Variants in CYS1 observed in about 807,000 individuals in gnomAD.
CYS1 encodes the protein cystin 1.
CYS1 carries 5 observed loss-of-function variants against 9.6 expected under a neutral mutation model. The observed-to-expected ratio is 0.52, with a 90% CI of 0.27 to 1.10. The LOEUF (loss-of-function observed/expected upper bound fraction) is 1.10, where lower values mean the gene tolerates loss of function less well. Ranked by LOEUF, CYS1 falls within the 50% of genes least tolerant of loss-of-function variation. The pLI is 0.11. For synonymous variants in CYS1, 88 were observed against 95.7 expected, an observed-to-expected ratio of 0.92 and a Z score of 0.47; for missense variants, 221 against 207.9, an observed-to-expected ratio of 1.06 and a Z score of -0.39.
At position 10,065,965 on chromosome 2, in the gene CYS1, A is replaced by G. The variant is rs1422749726; in HGVS notation, c.319-9T>C. On this transcript the variant is annotated splice_polypyrimidine_tract_variant and intron_variant, in intron 1 of 2. Transcript: ENST00000381813. ...CTCTGCTCTGCGCACACCTTGAGAA[A>G]GATGAAATGAAGAGACATTCAAAGA... 2 of 1,614,080 alleles carry G rather than the reference A, an allele frequency of 1.2e-6. No individual in the cohort carries two copies. The highest frequency in any genetic ancestry group is 1.3e-5 in the African/African-American group (1 of 74,930).
intron 1 of CYS1, among the ~76,000 whole-genome samples, chr2:10,067,406 CTTTT>C (rs34525296): frequency 1.1e-4 from 13 of 118,106 alleles, no homozygotes; most frequent in Non-Finnish European, 1.5e-4. Flanking sequence ...AAATTCTTTT[CTTTT>C]TTTTTTTTTT....
intron 1 of CYS1, among the ~76,000 whole-genome samples, chr2:10,072,561 A>AT (rs1279321596): frequency 6.6e-6 from 1 of 152,220 alleles, no homozygotes; most frequent in Non-Finnish European, 1.5e-5. Flanking sequence ...CATTCCTTTT[A>AT]TTCCATAGTA....
chr2:10,065,300 A>T (rs1466878367), intron 2 of CYS1, among the ~76,000 whole-genome samples: 1 of 152,212 alleles, frequency 6.6e-6, no homozygotes, highest in African/African-American at 2.4e-5. Flanking sequence ...ATCTTACCTG[A>T]CAATCACCCA....
intron 1 of CYS1, among the ~76,000 whole-genome samples, chr2:10,072,865 G>C (rs1003632277): frequency 2.0e-5 from 3 of 152,166 alleles, no homozygotes; most frequent in African/African-American, 7.2e-5. Flanking sequence ...GAGGAGCGGT[G>C]GGGGAGCGGT....
At chr2:10,074,140 C>T (rs921531490) in intron 1 of CYS1, among the ~76,000 whole-genome samples, 1 of 152,198 alleles carries the variant, frequency 6.6e-6, no homozygotes, top group Non-Finnish European at 1.5e-5. Flanking sequence ...TCTGGTATGG[C>T]ATCAGCCACT....
At position 10,080,081 on chromosome 2, in the gene CYS1, GC is replaced by G; in HGVS notation, c.142del (p.Ala48GlnfsTer101). On this transcript the variant is annotated frameshift_variant, in exon 1 of 3. Coordinates refer to ENST00000381813, the MANE Select transcript of CYS1 (RefSeq NM_001037160.3). LOFTEE classifies it high-confidence loss of function. This position sits in a 1 kb window ranked among gnomAD's most constrained non-coding sequence, Gnocchi z 6.4. Reference protein sequence around the residue: ...VPVAAAEVPGAAAEEAPGRDP... With the variant: ...VPVAAAEVPGXAAEEAPGRDP... Reference sequence around the variant, plus strand: ...GCGGCCGGGCGCCTCCTCCGCGGCTGCCCCCGGGACCTCGGCCGCCGCCACC... The same window carrying G: ...GCGGCCGGGCGCCTCCTCCGCGGCTGCCCCGGGACCTCGGCCGCCGCCACC... 8.7e-6 allele frequency: 9 copies of G among 1,030,466 alleles called. No individual in the cohort carries two copies. The highest frequency in any genetic ancestry group is 1.7e-5 in the African/African-American group (1 of 57,550). The allele number at this position is 1,030,466 out of a possible 1,614,324, so 63.8% of individuals were successfully genotyped here. A position where few individuals can be genotyped will look rare whatever the true frequency, so the allele number is the denominator to read the frequency against.
At chr2:10,078,188 C>A (rs1558362068) in intron 1 of CYS1, among the ~76,000 whole-genome samples, 1 of 152,082 alleles carries the variant, frequency 6.6e-6, no homozygotes. Flanking sequence ...ACCTCCTCAA[C>A]AATTCCTGAA....
At chr2:10,064,180 A>T (rs140997815) in intron 2 of CYS1, among the ~76,000 whole-genome samples, 2,679 of 152,202 alleles carry the variant, frequency 0.018, 89 homozygotes, top group African/African-American at 0.062. Flanking sequence ...CCGAGATCGT[A>T]CCAGTGCACT....
intron 2 of CYS1, among the ~76,000 whole-genome samples, chr2:10,059,507 G>A (rs1298570944): frequency 6.6e-6 from 1 of 152,164 alleles, no homozygotes; most frequent in East Asian, 1.9e-4. Context: ...GACCAGCCTG[G>A]CCAACGTGGT....
At chr2:10,078,473 C>T (rs1032366312) in intron 1 of CYS1, among the ~76,000 whole-genome samples, 1 of 152,234 alleles carries the variant, frequency 6.6e-6, no homozygotes, top group Non-Finnish European at 1.5e-5. Context: ...GCATACTCTC[C>T]TAAGACCTCT....
chr2:10,065,017 T>G (rs1433517786), intron 2 of CYS1, among the ~76,000 whole-genome samples: 2 of 151,996 alleles, frequency 1.3e-5, no homozygotes, highest in Non-Finnish European at 2.9e-5. Flanking sequence ...GCTGGGATTA[T>G]AGGCGTGAGC....
chr2:10,072,475 T>G (rs937940711), intron 1 of CYS1, among the ~76,000 whole-genome samples: 21 of 152,238 alleles, frequency 1.4e-4, no homozygotes, highest in African/African-American at 5.1e-4. Flanking sequence ...GTTCTTCCAT[T>G]AACTCTTAAT....
intron 1 of CYS1, among the ~76,000 whole-genome samples, chr2:10,068,706 T>C (rs1661725564): frequency 6.6e-6 from 1 of 152,220 alleles, no homozygotes; most frequent in Non-Finnish European, 1.5e-5. Flanking sequence ...GTCAACCAGT[T>C]TTTGGTTCAT....
chr2:10,076,812 G>A lies in CYS1; in HGVS notation c.318+3094C>T, dbSNP rs1572461971. Reference sequence around the variant, plus strand: ...ACACGCTGGCAGCATCGTCACTGGTGATCCCATCTAATCTCATGGGTTTAA... The same window carrying A: ...ACACGCTGGCAGCATCGTCACTGGTAATCCCATCTAATCTCATGGGTTTAA... On this transcript the variant is annotated intron_variant, in intron 1 of 2. Transcript: ENST00000381813. This position sits in a 1 kb window ranked among gnomAD's most constrained non-coding sequence, Gnocchi z 4.3. 1.3e-5 allele frequency among the ~76,000 whole-genome samples: 2 copies of A among 152,222 alleles called. No individual in the cohort carries two copies. The highest frequency in any genetic ancestry group is 1.9e-4 in the East Asian group (1 of 5,188).
intron 1 of CYS1, among the ~76,000 whole-genome samples, chr2:10,079,636 G>C (rs370163520): frequency 7.2e-5 from 11 of 151,908 alleles, no homozygotes; most frequent in Admixed American, 5.2e-4. Context: ...CCCGAGGGGA[G>C]CCGGGAGCCC....
intron 1 of CYS1, 26 bp from the exon 2 acceptor site, chr2:10,065,982 A>G (rs1170250564): frequency 1.2e-6 from 2 of 1,613,848 alleles, no homozygotes; most frequent in African/African-American, 1.3e-5. Context: ...ATGAAGAGAC[A>G]TTCAAAGATT....
chr2:10,066,372 G>A (rs1216213584), intron 1 of CYS1, among the ~76,000 whole-genome samples: 2 of 152,132 alleles, frequency 1.3e-5, no homozygotes, highest in African/African-American at 4.8e-5. Flanking sequence ...GGGATCTTGG[G>A]ACCCACTGCC....
intron 1 of CYS1, among the ~76,000 whole-genome samples, chr2:10,074,937 C>A (rs890095660): frequency 6.6e-6 from 1 of 152,114 alleles, no homozygotes; most frequent in Non-Finnish European, 1.5e-5. Context: ...CATGGCGAAA[C>A]CCCGTCTCTA....
intron 1 of CYS1, among the ~76,000 whole-genome samples, chr2:10,071,621 T>C (rs1032018122): frequency 1.3e-5 from 2 of 152,228 alleles, no homozygotes; most frequent in Admixed American, 6.5e-5. Context: ...GCCAATTTGT[T>C]TAAGCCTTGA....
Sources: gnomAD v4.1 joint callset for allele counts (sites outside exome capture counted in the v4.1 genomes callset) on GRCh38, gnomAD v4.1.1 for gene constraint, Gnocchi (gnomAD v3.1) non-coding constraint, MANE v1.5 for transcripts, NCBI Gene and HGNC (gene_info 2026-07-23, HGNC 2026-07-21) for gene names.